ZNF532: variants seen among roughly 807,000 people sequenced by gnomAD.
ZNF532 encodes zinc finger protein 532.
Under a neutral mutation model 89.3 loss-of-function variants are expected in ZNF532, and 22 were observed. The observed-to-expected ratio is 0.25, with a 90% confidence interval of 0.18 to 0.35. The LOEUF is 0.35. ZNF532 is among the 10% of genes least tolerant of loss of function. The pLI, the probability that ZNF532 is intolerant of heterozygous loss-of-function variation, is 1.00. For missense variants in ZNF532, 1,132 were observed against 1,643.4 expected (o/e 0.69, Z 5.38); for synonymous variants, 606 against 649.6 (o/e 0.93, Z 1.02).
rs374111286 is a variant in ZNF532, at chr18:58,896,589, G to C, written c.-17-21682G>C. 6 of 153,578 alleles carry C rather than the reference G, an allele frequency of 3.9e-5. No homozygotes were observed. The South Asian group carries it at 1.0e-3, about 26-fold the overall frequency. The allele number at this position is 153,578 out of a possible 1,614,324, so 9.5% of individuals were successfully genotyped here. A position where few individuals can be genotyped will look rare whatever the true frequency, so the allele number is the denominator to read the frequency against. The stretch of plus-strand genomic sequence containing the variant: ...CATCTGTTCATCCACCCATCCGTCT[G>C]TCCATCCGCCCACTCAGCTATCTGT... On this transcript the variant is annotated intron_variant, in intron 2 of 9. Coordinates refer to ENST00000591808, the MANE Select transcript of ZNF532 (RefSeq NM_001375912.1).
intron 3 of ZNF532, 68 bp from the exon 4 acceptor site, chr18:58,934,365 C>T: frequency 7.0e-7 from 1 of 1,434,886 alleles, no homozygotes; most frequent in South Asian, 1.3e-5. Context: ...GGAGGTTTAA[C>T]CAAGGTTCTT....
chr18:58,975,058 C>T (rs1394091450), intron 7 of ZNF532, among the ~76,000 whole-genome samples: 3 of 152,100 alleles, frequency 2.0e-5, no homozygotes, highest in Non-Finnish European at 4.4e-5. Context: ...AGTAAGTATG[C>T]AGGTCTCTTC....
At chr18:58,966,699 T>G (rs1443267857) in intron 7 of ZNF532, among the ~76,000 whole-genome samples, 1 of 151,504 alleles carries the variant, frequency 6.6e-6, no homozygotes, top group African/African-American at 2.4e-5. Context: ...AAAATATTAG[T>G]CCACATCTTG....
At chr18:58,980,278 A>G (rs925813801) in intron 8 of ZNF532, 1 of 152,248 alleles carries the variant, frequency 6.6e-6, no homozygotes, top group Non-Finnish European at 1.5e-5. Context: ...AGAATTTAGA[A>G]GGATGCTCTG....
intron 2 of ZNF532, among the ~76,000 whole-genome samples, chr18:58,872,013 T>A (rs1042371490): frequency 2.6e-5 from 4 of 152,250 alleles, no homozygotes; most frequent in African/African-American, 9.6e-5. Context: ...TTGAATCATC[T>A]TCTACGGCAG....
chr18:58,924,646 T>A (rs1322138313), intron 3 of ZNF532, among the ~76,000 whole-genome samples: 1 of 152,200 alleles, frequency 6.6e-6, no homozygotes, highest in Non-Finnish European at 1.5e-5. Flanking sequence ...ATACCCTTCA[T>A]CCAGTTCCCC....
chr18:58,904,036 G>A (rs547871216), intron 2 of ZNF532, among the ~76,000 whole-genome samples: 5 of 152,094 alleles, frequency 3.3e-5, no homozygotes, highest in Admixed American at 6.5e-5. Flanking sequence ...TGCTTTTATC[G>A]TTCAATATGT....
intron 2 of ZNF532, among the ~76,000 whole-genome samples, chr18:58,887,631 T>C (rs917774141): frequency 6.6e-6 from 1 of 152,086 alleles, no homozygotes. Context: ...GCTGCATCAT[T>C]GTGTGACCTG....
Position 58,923,628 on chromosome 18 carries a change from GAA to G in ZNF532, c.2346+2998_2346+2999del, listed in dbSNP as rs888199235. 9.9e-5 allele frequency among the ~76,000 whole-genome samples: 15 copies of G among 152,238 alleles called. No individual in the cohort carries two copies. In the Middle Eastern group the frequency reaches 0.01, roughly 104 times the overall value. On this transcript the variant is annotated intron_variant, in intron 3 of 9. Transcript: ENST00000591808. ...GGGCTGCAGTAAGACAGGGAGAAAA[GAA>G]AAGAGAAAATAGCCTTTGTTTCATC... is the stretch of plus-strand genomic sequence containing the variant.
chr18:58,920,709 T>C, intron 3 of ZNF532, 76 bp downstream of exon 3: 1 of 1,318,160 alleles, frequency 7.6e-7, no homozygotes, highest in Non-Finnish European at 1.0e-6. Context: ...GCCCTTGATT[T>C]TAGGGTGGGA....
intron 9 of ZNF532, among the ~76,000 whole-genome samples, chr18:58,981,954 A>T (rs1382448443): frequency 6.7e-6 from 1 of 148,838 alleles, no homozygotes; most frequent in East Asian, 2.0e-4. Flanking sequence ...CAGTGAGCTG[A>T]GATCATGCCA....
chr18:58,939,524 T>C lies in ZNF532; in HGVS notation c.2608T>C (p.Tyr870His), dbSNP rs149704264. ...HIQGSHCEVF[Y>H]KCPICPMAFK... ...TCAAGGTTCTCACTGTGAAGTCTTCTACAAGTGTCCTATTTGTCCAATGGC... is the reference window on the plus strand; with the variant it reads ...TCAAGGTTCTCACTGTGAAGTCTTCCACAAGTGTCCTATTTGTCCAATGGC... The change falls in exon 5 of 10, where the codon TAC (tyrosine) becomes CAC (histidine). Residue 870 changes from tyrosine (Y) to histidine (H), a missense_variant. This residue lies in a region of ZNF532 where 415 missense variants were observed against 604.8 expected (regional missense o/e 0.69). Coordinates refer to ENST00000591808, the MANE Select transcript of ZNF532 (RefSeq NM_001375912.1). 325 of 1,614,154 alleles carry C rather than the reference T, an allele frequency of 2.0e-4. 1 individual carries two copies. The highest frequency in any genetic ancestry group is 2.5e-4 in the Non-Finnish European group (291 of 1,180,024).
chr18:58,916,746 G>T, intron 2 of ZNF532: 1 of 985,278 alleles, frequency 1.0e-6, no homozygotes, highest in Non-Finnish European at 1.2e-6. Context: ...TATACTGAGG[G>T]TCTTAGCAGC....
intron 7 of ZNF532, among the ~76,000 whole-genome samples, chr18:58,958,709 A>AG (rs1296075223): frequency 1.3e-5 from 2 of 152,234 alleles, no homozygotes; most frequent in East Asian, 3.8e-4. Context: ...GTTGCAGTCT[A>AG]GGTTCAGGTA....
At chr18:58,917,364 G>A (rs2060673898) in intron 2 of ZNF532, among the ~76,000 whole-genome samples, 2 of 152,212 alleles carry the variant, frequency 1.3e-5, no homozygotes, top group African/African-American at 2.4e-5. Flanking sequence ...AGGCCAGTAT[G>A]TAAGAGGAGA....
chr18:58,967,243 A>G (rs2066007041), intron 7 of ZNF532, among the ~76,000 whole-genome samples: 1 of 152,034 alleles, frequency 6.6e-6, no homozygotes, highest in Non-Finnish European at 1.5e-5. Flanking sequence ...CCAGATAACA[A>G]AGCTTTCCCC....
At chr18:58,982,359 G>A (rs1422913156) in intron 9 of ZNF532, among the ~76,000 whole-genome samples, 5 of 151,778 alleles carry the variant, frequency 3.3e-5, no homozygotes, top group Non-Finnish European at 7.4e-5. Context: ...AGTGGCTCAT[G>A]CCTGTAATCC....
chr18:58,962,215 G>C (rs147553928), intron 7 of ZNF532, among the ~76,000 whole-genome samples: 2,597 of 150,582 alleles, frequency 0.017, 50 homozygotes, highest in African/African-American at 0.046. Context: ...GACAGAGCGA[G>C]ACTCTGTCTA....
At chr18:58,964,535 TTGTG>T (rs200298951) in intron 7 of ZNF532, among the ~76,000 whole-genome samples, 12,512 of 138,388 alleles carry the variant, frequency 0.09, 708 homozygotes, top group African/African-American at 0.16. Flanking sequence ...GATATTTTGT[TTGTG>T]TGTGTGTGTG....
Sources: allele counts gnomAD v4.1 joint callset (sites outside exome capture counted in the v4.1 genomes callset), GRCh38; gene constraint gnomAD v4.1.1; regional missense constraint gnomAD v4.1.1; transcripts MANE v1.5; gene names NCBI Gene and HGNC (gene_info 2026-07-23, HGNC 2026-07-21).